ATP8B4: variants seen among roughly 807,000 people sequenced by gnomAD.
The protein encoded by ATP8B4 is probable phospholipid-transporting ATPase IM.
In ATP8B4, 133 loss-of-function variants were observed where a neutral mutation model predicts 145.6. That is an observed-to-expected ratio of 0.91 (90% CI 0.79 to 1.05). The LOEUF (loss-of-function observed/expected upper bound fraction) is 1.05. Ranked by LOEUF, ATP8B4 falls within the 50% of genes least tolerant of loss-of-function variation. The pLI, the probability that ATP8B4 is intolerant of heterozygous loss-of-function variation, is 0.00. For missense variants in ATP8B4, 1,458 were observed against 1,425.2 expected, an observed-to-expected ratio of 1.02 and a Z score of -0.37; for synonymous variants, 507 against 492.9, an observed-to-expected ratio of 1.03 and a Z score of -0.38.
At chr15:50,162,062 C>T (rs746785415) in intron 1 of ATP8B4, among the ~76,000 whole-genome samples, 3 of 151,878 alleles carry the variant, frequency 2.0e-5, no homozygotes, top group Non-Finnish European at 4.4e-5. Flanking sequence ...ATTTTTTTTA[C>T]CTTCAGCACT....
intron 3 of ATP8B4, among the ~76,000 whole-genome samples, chr15:50,066,660 T>C (rs1055480424): frequency 6.6e-5 from 10 of 152,266 alleles, no homozygotes; most frequent in Admixed American, 1.3e-4. Context: ...AGCCAAAATA[T>C]GTGAAAAGAT....
intron 20 of ATP8B4, among the ~76,000 whole-genome samples, chr15:49,904,534 C>G (rs1450008999): frequency 6.6e-6 from 1 of 152,176 alleles, no homozygotes. Context: ...TGTACTAAAA[C>G]ATTTTTCCTG....
chr15:50,076,422 G>A (rs1317696024), intron 2 of ATP8B4, among the ~76,000 whole-genome samples: 4 of 152,014 alleles, frequency 2.6e-5, no homozygotes, highest in South Asian at 2.1e-4. Context: ...AACCTGGGAG[G>A]TGGAGGTTGC....
chr15:50,032,025 A>G (rs2050482626), intron 6 of ATP8B4, among the ~76,000 whole-genome samples: 1 of 152,152 alleles, frequency 6.6e-6, no homozygotes, highest in African/African-American at 2.4e-5. Flanking sequence ...TTCAACAAAT[A>G]TTTATTCTTT....
chr15:50,056,235 T>G (rs2052585701), intron 3 of ATP8B4, among the ~76,000 whole-genome samples: 1 of 152,196 alleles, frequency 6.6e-6, no homozygotes, highest in South Asian at 2.1e-4. Context: ...ATTCAACTAA[T>G]TTTTGTTAAA....
intron 25 of ATP8B4, among the ~76,000 whole-genome samples, chr15:49,875,488 CAG>C (rs2034267214): frequency 6.6e-6 from 1 of 152,142 alleles, no homozygotes; most frequent in African/African-American, 2.4e-5. Context: ...CAAAATAAAA[CAG>C]AGGTCACATA....
chr15:50,048,614 AG>A (rs1252644395), intron 3 of ATP8B4, among the ~76,000 whole-genome samples: 1 of 151,948 alleles, frequency 6.6e-6, no homozygotes, highest in Non-Finnish European at 1.5e-5. Flanking sequence ...AGGCTGAGGC[AG>A]GAGAATCGCT....
chr15:49,867,539 C>T (rs750554655), intron 25 of ATP8B4, among the ~76,000 whole-genome samples: 3 of 152,312 alleles, frequency 2.0e-5, no homozygotes, highest in Admixed American at 6.5e-5. Flanking sequence ...GTTCATTTGG[C>T]TGCCAAGACA....
intron 7 of ATP8B4, chr15:50,009,726 T>C (rs1300078645): frequency 2.2e-6 from 1 of 453,876 alleles, no homozygotes; most frequent in Admixed American, 2.4e-5. Context: ...TAAATAAAAG[T>C]AAATAGATTG....
chr15:50,105,281 CGTGTGT>C (rs1567371525), intron 2 of ATP8B4, among the ~76,000 whole-genome samples: 2 of 145,724 alleles, frequency 1.4e-5, no homozygotes, highest in African/African-American at 5.1e-5. Context: ...AAAGACCCCA[CGTGTGT>C]GTTTGTACAT....
At chr15:50,131,450 T>C (rs2044045136) in intron 1 of ATP8B4, among the ~76,000 whole-genome samples, 1 of 152,198 alleles carries the variant, frequency 6.6e-6, no homozygotes, top group Non-Finnish European at 1.5e-5. Flanking sequence ...ACAGTCTGGT[T>C]CTAGAATCTA....
chr15:50,085,601 C>CT (rs1461675251), intron 2 of ATP8B4, among the ~76,000 whole-genome samples: 2 of 151,824 alleles, frequency 1.3e-5, no homozygotes, highest in Admixed American at 1.3e-4. Flanking sequence ...GTGGAAGAGA[C>CT]TGGAGGTTTG....
chr15:49,983,132 C>T (rs1284000791), intron 10 of ATP8B4, among the ~76,000 whole-genome samples: 2 of 152,124 alleles, frequency 1.3e-5, no homozygotes, highest in African/African-American at 2.4e-5. Context: ...CACCTAAGAC[C>T]GTAGCTTTGA....
intron 26 of ATP8B4, among the ~76,000 whole-genome samples, chr15:49,865,436 G>A (rs1360196594): frequency 6.6e-6 from 1 of 152,184 alleles, no homozygotes; most frequent in Non-Finnish European, 1.5e-5. Flanking sequence ...TCAAACCCAG[G>A]GAGGGGGTTG....
chr15:50,168,331 C>A (rs1483252448), intron 1 of ATP8B4, among the ~76,000 whole-genome samples: 2 of 152,156 alleles, frequency 1.3e-5, no homozygotes, highest in Non-Finnish European at 2.9e-5. Flanking sequence ...CCTGCAGGAC[C>A]ACAGAGACAC....
intron 14 of ATP8B4, among the ~76,000 whole-genome samples, chr15:49,952,774 G>A (rs1379547413): frequency 2.0e-5 from 3 of 152,144 alleles, no homozygotes; most frequent in Non-Finnish European, 4.4e-5. Flanking sequence ...AGGTGAAGAG[G>A]TGCTCTAGCC....
At chr15:49,923,554 T>C (rs2040450418) in intron 16 of ATP8B4, 60 bp from the exon 17 acceptor site, 7 of 1,209,504 alleles carry the variant, frequency 5.8e-6, no homozygotes, top group African/African-American at 3.1e-5. Flanking sequence ...CAAAATTAGA[T>C]TCTCCCAGAG....
chr15:50,176,404 A>G (rs544831842), intron 1 of ATP8B4, among the ~76,000 whole-genome samples: 1 of 152,170 alleles, frequency 6.6e-6, no homozygotes, highest in South Asian at 2.1e-4. Flanking sequence ...AAGACTACAA[A>G]TCTGGTGCAG....
At chr15:49,888,149 C>G (rs567280113) in intron 23 of ATP8B4, among the ~76,000 whole-genome samples, 1 of 152,172 alleles carries the variant, frequency 6.6e-6, no homozygotes, top group East Asian at 1.9e-4. Flanking sequence ...AGTAAAAACC[C>G]GCTCGCAGCA....
Sources: gnomAD v4.1 joint callset for allele counts (sites outside exome capture counted in the v4.1 genomes callset) on GRCh38, gnomAD v4.1.1 for gene constraint, MANE v1.5 for transcripts, NCBI Gene and HGNC (gene_info 2026-07-23, HGNC 2026-07-21) for gene names.